The following CADPS2 variants were observed in gnomAD, a reference collection of about 807,000 sequenced individuals.
CADPS2 encodes calcium-dependent secretion activator 2.
In CADPS2, 93 loss-of-function variants were observed where a neutral mutation model predicts 172.5. The ratio of observed to expected loss-of-function variants is 0.54; its 90% CI spans 0.46 to 0.64. CADPS2 has a LOEUF of 0.64. CADPS2 is among the 30% of genes least tolerant of loss of function. The probability of loss-of-function intolerance (pLI) is 0.00; values close to 1 mark genes in which losing one functional copy is unlikely to be tolerated. For synonymous variants in CADPS2, 546 were observed against 555.2 expected, an observed-to-expected ratio of 0.98 and a Z score of 0.23; for missense variants, 1,420 against 1,565.9, an observed-to-expected ratio of 0.91 and a Z score of 1.57.
chr7:122,559,668 G>A (rs1277929321), intron 7 of CADPS2, among the ~76,000 whole-genome samples: 1 of 151,358 alleles, frequency 6.6e-6, no homozygotes, highest in Non-Finnish European at 1.5e-5. Flanking sequence ...CTACTTGGGA[G>A]GCTGAGACAG....
chr7:122,636,291 G>A (rs1296279228), intron 3 of CADPS2, among the ~76,000 whole-genome samples: 2 of 152,050 alleles, frequency 1.3e-5, no homozygotes, highest in Non-Finnish European at 2.9e-5. Context: ...GGGTAGTCTA[G>A]TGTTAATGAA....
intron 1 of CADPS2, among the ~76,000 whole-genome samples, chr7:122,839,526 C>T (rs1420143663): frequency 1.3e-5 from 2 of 152,176 alleles, no homozygotes; most frequent in African/African-American, 2.4e-5. Flanking sequence ...TTGCAATCTA[C>T]TCATCTGACA....
intron 21 of CADPS2, 43 bp from the exon 22 acceptor site, chr7:122,393,358 A>G (rs1186109736): frequency 6.2e-7 from 1 of 1,613,702 alleles, no homozygotes; most frequent in Admixed American, 1.7e-5. Flanking sequence ...ACCATAAGCG[A>G]TAACTACAGA....
chr7:122,350,204 G>A (rs761501311), intron 27 of CADPS2, among the ~76,000 whole-genome samples: 1 of 152,122 alleles, frequency 6.6e-6, no homozygotes, highest in Non-Finnish European at 1.5e-5. Context: ...AAAGGATCAT[G>A]TAAGATATAA....
chr7:122,802,038 A>G (rs1463057777), intron 1 of CADPS2, among the ~76,000 whole-genome samples: 6 of 152,254 alleles, frequency 3.9e-5, no homozygotes, highest in Admixed American at 6.5e-5. Flanking sequence ...CACAGCATGT[A>G]TAAAATCTAT....
chr7:122,811,132 AACC>A (rs1799935694), intron 1 of CADPS2, among the ~76,000 whole-genome samples: 1 of 152,232 alleles, frequency 6.6e-6, no homozygotes, highest in Admixed American at 6.5e-5. Context: ...TAGGCAAATG[AACC>A]ACCATTTTCT....
rs971341970 is a variant in CADPS2, at chr7:122,319,322, A to G, written c.*843T>C. On this transcript the variant is annotated 3_prime_UTR_variant, in exon 30 of 30. Transcript: ENST00000449022. ...AAGAAACAAAAACACAGAGTCAGAT[A>G]GTTGGGATGTTTGAAACACTGCAAA... is the stretch of plus-strand genomic sequence containing the variant. 2.6e-5 allele frequency: 4 copies of G among 152,218 alleles called. No homozygotes were observed. The highest frequency in any genetic ancestry group is 7.2e-5 in the African/African-American group (3 of 41,458). The allele number at this position is 152,218 out of a possible 1,614,324, so 9.4% of individuals were successfully genotyped here.
intron 3 of CADPS2, among the ~76,000 whole-genome samples, chr7:122,635,930 T>G (rs1409600881): frequency 0.013 from 1 of 78 alleles, no homozygotes; most frequent in African/African-American, 0.024. Flanking sequence ...AGCTCCCACA[T>G]TTTTTTTTGT....
At chr7:122,517,784 G>A (rs1032021904) in intron 8 of CADPS2, among the ~76,000 whole-genome samples, 22 of 151,852 alleles carry the variant, frequency 1.4e-4, no homozygotes, top group Non-Finnish European at 4.4e-5. Context: ...CCTTGTAGAT[G>A]GGTAATCTTT....
At chr7:122,624,469 T>C (rs1362520399) in intron 4 of CADPS2, among the ~76,000 whole-genome samples, 1 of 152,230 alleles carries the variant, frequency 6.6e-6, no homozygotes, top group Non-Finnish European at 1.5e-5. Context: ...GGATTGTTTC[T>C]CTAAGCTGAT....
intron 2 of CADPS2, among the ~76,000 whole-genome samples, chr7:122,692,430 C>T (rs1472735163): frequency 6.6e-6 from 1 of 152,174 alleles, no homozygotes; most frequent in Non-Finnish European, 1.5e-5. Flanking sequence ...TTACAAACGC[C>T]CATGTGACTC....
chr7:122,423,843 C>T (rs567570963), intron 17 of CADPS2, among the ~76,000 whole-genome samples: 3 of 152,288 alleles, frequency 2.0e-5, no homozygotes, highest in South Asian at 2.1e-4. Context: ...CCAGGTGATG[C>T]TCATGATGCT....
At chr7:122,614,637 T>C (rs2074685486) in intron 6 of CADPS2, among the ~76,000 whole-genome samples, 1 of 152,186 alleles carries the variant, frequency 6.6e-6, no homozygotes, top group Non-Finnish European at 1.5e-5. Context: ...ACTAATTTAA[T>C]TAACTCATTG....
At chr7:122,639,974 G>T (rs2077438596) in intron 3 of CADPS2, among the ~76,000 whole-genome samples, 1 of 152,100 alleles carries the variant, frequency 6.6e-6, no homozygotes, top group Non-Finnish European at 1.5e-5. Flanking sequence ...ATTTCCCATT[G>T]CCTACTCGAG....
At chr7:122,368,765 C>T (rs550927863) in intron 25 of CADPS2, among the ~76,000 whole-genome samples, 6 of 152,256 alleles carry the variant, frequency 3.9e-5, no homozygotes, top group Non-Finnish European at 5.9e-5. Context: ...GCATTCCGTG[C>T]GCCATGAGTT....
intron 3 of CADPS2, among the ~76,000 whole-genome samples, chr7:122,651,060 TTA>T (rs139986410): frequency 6.6e-6 from 1 of 152,006 alleles, no homozygotes; most frequent in African/African-American, 2.4e-5. Context: ...AGATTTTAAA[TTA>T]TATATATATG....
intron 27 of CADPS2, among the ~76,000 whole-genome samples, chr7:122,353,984 G>A (rs188415575): frequency 3.6e-4 from 55 of 151,770 alleles, no homozygotes; most frequent in Non-Finnish European, 2.9e-4. Context: ...CTCTTTCTAG[G>A]AACAGTCAGA....
chr7:122,546,287 C>G (rs79333983), intron 8 of CADPS2, among the ~76,000 whole-genome samples: 3 of 151,846 alleles, frequency 2.0e-5, no homozygotes, highest in Non-Finnish European at 4.4e-5. Context: ...GGGCTGTGGC[C>G]GTGATATTAT....
intron 2 of CADPS2, among the ~76,000 whole-genome samples, chr7:122,692,447 C>T (rs561684397): frequency 1.3e-4 from 20 of 152,324 alleles, no homozygotes; most frequent in African/African-American, 4.3e-4. Flanking sequence ...ACTCTGCCAG[C>T]GAAGGTATGC....
Sources: allele counts gnomAD v4.1 joint callset (sites outside exome capture counted in the v4.1 genomes callset), GRCh38; gene constraint gnomAD v4.1.1; transcripts MANE v1.5; gene names NCBI Gene and HGNC (gene_info 2026-07-23, HGNC 2026-07-21).